Variants in ZNF385D observed in about 807,000 individuals in gnomAD.
The protein encoded by ZNF385D is zinc finger protein 385D.
ZNF385D carries 15 observed loss-of-function variants against 35.8 expected under a neutral mutation model. That is an observed-to-expected ratio of 0.42 (90% confidence interval 0.28 to 0.64). The LOEUF is 0.64. ZNF385D is among the 30% of genes least tolerant of loss of function. The pLI is 0.23. For synonymous variants in ZNF385D, 212 were observed against 186.8 expected (o/e 1.13, Z -1.10); for missense variants, 474 against 494.6 (o/e 0.96, Z 0.39).
chr3:21,469,591 T>G (rs1409654158), intron 4 of ZNF385D, among the ~76,000 whole-genome samples: 1 of 152,178 alleles, frequency 6.6e-6, no homozygotes, highest in Non-Finnish European at 1.5e-5. Flanking sequence ...AGGTTTATAC[T>G]CTGGGAAAAG....
intron 3 of ZNF385D, among the ~76,000 whole-genome samples, chr3:22,027,415 G>C (rs111620534): frequency 0.041 from 6,205 of 152,306 alleles, 164 homozygotes; most frequent in Middle Eastern, 0.078. Context: ...TGCTTGAGGA[G>C]TCAGTGACAG....
intron 3 of ZNF385D, among the ~76,000 whole-genome samples, chr3:21,807,733 A>G (rs546530929): frequency 1.3e-5 from 2 of 152,322 alleles, no homozygotes; most frequent in Admixed American, 6.5e-5. Flanking sequence ...CATCATTTGT[A>G]TAATTTCTTG....
At chr3:21,474,133 T>C (rs1187131694) in intron 4 of ZNF385D, among the ~76,000 whole-genome samples, 2 of 151,818 alleles carry the variant, frequency 1.3e-5, no homozygotes, top group African/African-American at 4.8e-5. Flanking sequence ...TTTTAATGGA[T>C]TGATGTTGCT....
At chr3:21,756,130 C>G (rs917528153), upstream of ZNF385D, among the ~76,000 whole-genome samples, 15 of 152,190 alleles carry the variant, frequency 9.9e-5, no homozygotes, top group African/African-American at 3.6e-4. Flanking sequence ...CTAAAGCGAG[C>G]AAGGACAGAT....
chr3:22,362,462 G>A (rs1424756872), intron 2 of ZNF385D, among the ~76,000 whole-genome samples: 1 of 152,014 alleles, frequency 6.6e-6, no homozygotes. Flanking sequence ...TCTTCTTTAT[G>A]AGGTCCTCAA....
intron 4 of ZNF385D, among the ~76,000 whole-genome samples, chr3:21,437,857 T>A (rs1280062849): frequency 6.6e-6 from 1 of 152,044 alleles, no homozygotes; most frequent in Non-Finnish European, 1.5e-5. Flanking sequence ...GTCTAGCATA[T>A]CTATTAAATA....
intron 3 of ZNF385D, among the ~76,000 whole-genome samples, chr3:22,103,705 G>C (rs17010794): frequency 2.2e-5 from 3 of 136,916 alleles, no homozygotes; most frequent in African/African-American, 5.0e-5. Flanking sequence ...GTCAAAGTCA[G>C]GCAAAAACAA....
chr3:21,969,698 T>C (rs1277789502), intron 3 of ZNF385D, among the ~76,000 whole-genome samples: 4 of 152,012 alleles, frequency 2.6e-5, no homozygotes. Context: ...CCTTGGGCTT[T>C]AAGTGAACAC....
chr3:21,832,004 C>T (rs1695020448), intron 3 of ZNF385D, among the ~76,000 whole-genome samples: 1 of 152,130 alleles, frequency 6.6e-6, no homozygotes, highest in Non-Finnish European at 1.5e-5. Flanking sequence ...CTTTAATTAG[C>T]TTGCATACCA....
chr3:21,857,016 C>T (rs1016085958), intron 3 of ZNF385D, among the ~76,000 whole-genome samples: 2 of 151,984 alleles, frequency 1.3e-5, no homozygotes, highest in African/African-American at 4.8e-5. Flanking sequence ...GGGTTCTATT[C>T]GAAGCAGAAA....
At chr3:22,046,624 A>T (rs1699021897) in intron 3 of ZNF385D, among the ~76,000 whole-genome samples, 1 of 152,128 alleles carries the variant, frequency 6.6e-6, no homozygotes, top group Non-Finnish European at 1.5e-5. Context: ...AAGCAATTGC[A>T]AATATATTGA....
chr3:22,115,360 A>G (rs1702752839), intron 3 of ZNF385D, among the ~76,000 whole-genome samples: 1 of 152,114 alleles, frequency 6.6e-6, no homozygotes, highest in African/African-American at 2.4e-5. Flanking sequence ...ATAGGGAATG[A>G]CCAAAATGAA....
chr3:21,869,380 C>G (rs1410861651), intron 3 of ZNF385D, among the ~76,000 whole-genome samples: 2 of 152,070 alleles, frequency 1.3e-5, no homozygotes, highest in South Asian at 2.1e-4. Flanking sequence ...CCACACCAAA[C>G]TTCAAATGTA....
At chr3:22,285,897 T>A (rs781101967) in intron 2 of ZNF385D, among the ~76,000 whole-genome samples, 3 of 152,162 alleles carry the variant, frequency 2.0e-5, no homozygotes, top group Admixed American at 6.6e-5. Flanking sequence ...ATAAATCTTA[T>A]GCCAAACCGT....
At chr3:21,430,417 A>T (rs768400146) in intron 5 of ZNF385D, among the ~76,000 whole-genome samples, 7 of 152,096 alleles carry the variant, frequency 4.6e-5, no homozygotes, top group Non-Finnish European at 1.0e-4. Context: ...CCTGGAGGGA[A>T]AGCTCTGAAG....
intron 2 of ZNF385D, among the ~76,000 whole-genome samples, chr3:22,256,020 G>A (rs909723090): frequency 2.6e-5 from 4 of 151,604 alleles, no homozygotes; most frequent in East Asian, 1.9e-4. Flanking sequence ...TAGAATATAA[G>A]CAGGCACAAA....
At chr3:22,158,147 C>T (rs74666618) in intron 3 of ZNF385D, among the ~76,000 whole-genome samples, 1 of 152,090 alleles carries the variant, frequency 6.6e-6, no homozygotes, top group Non-Finnish European at 1.5e-5. Flanking sequence ...TTTCTGACAT[C>T]TCCGGTTTAT....
chr3:22,193,943 G>A (rs560097277), intron 2 of ZNF385D, among the ~76,000 whole-genome samples: 4 of 151,882 alleles, frequency 2.6e-5, no homozygotes, highest in African/African-American at 9.7e-5. Context: ...GCATTAGGTA[G>A]TGCATTTTTT....
chr3:22,168,760 C>A, intron 3 of ZNF385D: 2 of 946,612 alleles, frequency 2.1e-6, no homozygotes, highest in Non-Finnish European at 2.5e-6. Context: ...TCTGCAGGTA[C>A]ACAAATAACT....
Sources: gnomAD v4.1 joint callset for allele counts (sites outside exome capture counted in the v4.1 genomes callset) on GRCh38, gnomAD v4.1.1 for gene constraint, MANE v1.5 for transcripts, NCBI Gene and HGNC (gene_info 2026-07-23, HGNC 2026-07-21) for gene names.